The following SNX33 variants were observed in gnomAD, a reference collection of about 807,000 sequenced individuals.
The protein encoded by SNX33 is sorting nexin 33, also known as sorting nexin-33.
SNX33 carries 19 observed loss-of-function variants against 38.8 expected under a neutral mutation model. That is an observed-to-expected ratio of 0.49 (90% CI 0.34 to 0.72). SNX33 has a LOEUF of 0.72. Ranked by LOEUF, SNX33 falls within the 30% of genes least tolerant of loss-of-function variation. The probability of loss-of-function intolerance (pLI) is 0.01; values close to 1 mark genes in which losing one functional copy is unlikely to be tolerated. For missense variants in SNX33, 641 were observed against 776.4 expected (o/e 0.83, Z 2.07); for synonymous variants, 246 against 289.7 (o/e 0.85, Z 1.53).
intron 1 of SNX33, among the ~76,000 whole-genome samples, chr15:75,655,532 T>C (rs1893643231): frequency 6.6e-6 from 1 of 152,222 alleles, no homozygotes; most frequent in Admixed American, 6.5e-5. Context: ...CCTGAAATGC[T>C]ACTATTAGCC....
At position 75,654,544 on chromosome 15, in the gene SNX33, C is replaced by T. The variant is rs541360941; in HGVS notation, c.1472-2418C>T. The stretch of plus-strand genomic sequence containing the variant: ...TTGCAGCTGGTGGGCTCCAACCCTC[C>T]TTTCTGCATTTTTGGGACCCAGCCT... On this transcript the variant is annotated intron_variant, in intron 1 of 1. Coordinates refer to ENST00000308527, the MANE Select transcript of SNX33 (RefSeq NM_153271.2). Among the ~76,000 whole-genome samples, 3 of 152,342 alleles carry T rather than the reference C, an allele frequency of 2.0e-5. No individual in the cohort carries two copies. The East Asian group carries it at 5.8e-4, about 29-fold the overall frequency.
At position 75,647,998 on chromosome 15, in the gene SNX33, C is replaced by A; in HGVS notation, c.-1105C>A. ...AGGCAGGCTGGGGGCGCAGCCCGCCCCCCACTGGCCGGGCCCCGCAGGGCG... is the reference window on the plus strand; with the variant it reads ...AGGCAGGCTGGGGGCGCAGCCCGCCACCCACTGGCCGGGCCCCGCAGGGCG... On this transcript the variant is annotated 5_prime_UTR_variant, in exon 1 of 2. Coordinates refer to ENST00000308527, the MANE Select transcript of SNX33 (RefSeq NM_153271.2). 1.0e-6 allele frequency: 1 copy of A among 985,406 alleles called. No individual in the cohort carries two copies. The highest frequency in any genetic ancestry group is 1.1e-4 in the East Asian group (1 of 8,784). The allele number at this position is 985,406 out of a possible 1,614,324, so 61.0% of individuals were successfully genotyped here.
Position 75,649,922 on chromosome 15 carries a change from T to TA in SNX33, c.821dup (p.Tyr274Ter). The TA allele has an allele frequency of 6.3e-7, 1 of 1,596,124 alleles. No homozygotes were observed. ...GCGCTACAAACACTTTGACTGGCTC[T>TA]ATAACCGCCTGCTACACAAGTTCAC... The part of the protein sequence containing the change: ...YRRYKHFDWL[Y>*]NRLLHKFTVI... Residue 274 changes from tyrosine (Y) to a stop codon, truncating the protein, a stop_gained and frameshift_variant, in exon 1 of 2, where the codon TAT becomes TAAT. Coordinates refer to ENST00000308527, the MANE Select transcript of SNX33 (RefSeq NM_153271.2). LOFTEE classifies it high-confidence loss of function. This position sits in a 1 kb window ranked among gnomAD's most constrained non-coding sequence, Gnocchi z 6.6.
In SNX33 at chr15:75,659,208, G is replaced by A. The variant is rs1893693100; in HGVS notation, c.*1993G>A. ...TTGCTCTTGGATCTGTTCATCCACAGATGAGAGGAGGGTACTGGTTGAGAC... is the reference window on the plus strand; with the variant it reads ...TTGCTCTTGGATCTGTTCATCCACAAATGAGAGGAGGGTACTGGTTGAGAC... On this transcript the variant is annotated 3_prime_UTR_variant, in exon 2 of 2. Transcript: ENST00000308527. 6.6e-6 allele frequency: 1 copy of A among 152,354 alleles called. No individual in the cohort carries two copies. Among genetic ancestry groups the A allele is most frequent in the South Asian group, 2.1e-4 (1 of 4,834 alleles). 9.4% of individuals were successfully genotyped at this position (152,354 alleles called of 1,614,324 possible).
At position 75,650,397 on chromosome 15, in the gene SNX33, C is replaced by G. The variant is rs776154782; in HGVS notation, c.1295C>G (p.Pro432Arg). The part of the protein sequence containing the change: ...QAISHSFQMD[P>R]PFCSEALNSA... Reference sequence around the variant, plus strand: ...ATCAGTCATTCCTTCCAGATGGACCCCCCCTTTTGCTCTGAGGCCCTCAAC... The same window carrying G: ...ATCAGTCATTCCTTCCAGATGGACCGCCCCTTTTGCTCTGAGGCCCTCAAC... The change falls in exon 1 of 2, where the codon CCC becomes CGC. Residue 432 changes from proline to arginine, a missense_variant. Pro to Arg is a moderately radical substitution (Grantham distance 103, BLOSUM62 -2). Coordinates refer to ENST00000308527, the MANE Select transcript of SNX33 (RefSeq NM_153271.2). This position sits in a 1 kb window ranked among gnomAD's most constrained non-coding sequence, Gnocchi z 6.1. 1 of 1,613,668 alleles carries G rather than the reference C, an allele frequency of 6.2e-7. No homozygotes were observed. The highest frequency in any genetic ancestry group is 8.5e-7 in the Non-Finnish European group (1 of 1,179,860).
rs535872684 is a variant in SNX33 at position 75,654,170 on chromosome 15, A to G, written c.1472-2792A>G. Among the ~76,000 whole-genome samples the G allele has an allele frequency of 3.9e-5, 6 of 152,146 alleles. No homozygotes were observed. In the South Asian group the frequency reaches 8.3e-4, roughly 21 times the overall value. On this transcript the variant is annotated intron_variant, in intron 1 of 1. Transcript: ENST00000308527. ...ATGTAGCATCTGGAGCTTCTATTGT[A>G]TCTCAGGTGCGCTCCTTTGAACTGT...
Position 75,649,146 on chromosome 15 carries a change from A to C in SNX33, c.44A>C (p.Asn15Thr), listed in dbSNP as rs755762188. Residue 15 changes from asparagine (N) to threonine (T), a missense_variant, in exon 1 of 2, where the codon AAC becomes ACC. By Grantham distance (65) the Asn-to-Thr change is moderately conservative. Coordinates refer to ENST00000308527, the MANE Select transcript of SNX33 (RefSeq NM_153271.2). The surrounding 1 kb of genome is among the most constrained non-coding windows in gnomAD (Gnocchi z 6.6). ...GCCCTCTATGACTTTCACAGTGAGA[A>C]CAAGGAGGAAATCAGCATCCAGCAG... ...GRALYDFHSE[N>T]KEEISIQQDE... 1 of 1,612,368 alleles carries C rather than the reference A, an allele frequency of 6.2e-7. No homozygotes were observed. Among genetic ancestry groups the C allele is most frequent in the East Asian group, 2.2e-5 (1 of 44,848 alleles).
At chr15:75,655,807 G>A (rs1431944452) in intron 1 of SNX33, among the ~76,000 whole-genome samples, 1 of 152,182 alleles carries the variant, frequency 6.6e-6, no homozygotes, top group Non-Finnish European at 1.5e-5. Flanking sequence ...GCTCAGGGGT[G>A]TGCTGTCCTC....
Position 75,648,282 on chromosome 15 carries a change from G to T in SNX33, c.-821G>T. On this transcript the variant is annotated 5_prime_UTR_variant, in exon 1 of 2. Coordinates refer to ENST00000308527, the MANE Select transcript of SNX33 (RefSeq NM_153271.2). The surrounding 1 kb of genome is among the most constrained non-coding windows in gnomAD (Gnocchi z 4.4). ...ACCACTCAGCGAGTGGCTAGAAGTC[G>T]CCCGACAGCCTCGTCGCGCCCCCTC... 1.0e-5 allele frequency: 10 copies of T among 985,340 alleles called. No homozygotes were observed. In the South Asian group the frequency reaches 1.4e-4, roughly 14 times the overall value. 61.0% of individuals were successfully genotyped at this position (985,340 alleles called of 1,614,324 possible).
rs532973127 is a variant in SNX33 at position 75,650,731 on chromosome 15, C to T, written c.1471+158C>T. Reference sequence around the variant, plus strand: ...GTGTTGGGCTGGGCACGGTGGCTTACGCTTGTAATCTCAGCACTTTGGGAG... The same window carrying T: ...GTGTTGGGCTGGGCACGGTGGCTTATGCTTGTAATCTCAGCACTTTGGGAG... On this transcript the variant is annotated intron_variant, in intron 1 of 1. Transcript: ENST00000308527. This position sits in a 1 kb window ranked among gnomAD's most constrained non-coding sequence, Gnocchi z 6.1. Among the ~76,000 whole-genome samples, 8 of 152,150 alleles carry T rather than the reference C, an allele frequency of 5.3e-5. No individual in the cohort carries two copies. Among genetic ancestry groups the T allele is most frequent in the African/African-American group, 7.2e-5 (3 of 41,430 alleles).
chr15:75,653,895 C>T (rs1477590493), intron 1 of SNX33, among the ~76,000 whole-genome samples: 1 of 152,030 alleles, frequency 6.6e-6, no homozygotes, highest in Non-Finnish European at 1.5e-5. Flanking sequence ...AGTTCGACAC[C>T]AGCCTGGCTA....
intron 1 of SNX33, among the ~76,000 whole-genome samples, chr15:75,652,918 T>C (rs1019073701): frequency 6.6e-6 from 1 of 152,108 alleles, no homozygotes; most frequent in Non-Finnish European, 1.5e-5. Context: ...AGAAGAACAG[T>C]TGGGTCCTGG....
Position 75,648,825 on chromosome 15 carries a change from A to G in SNX33, c.-278A>G, listed in dbSNP as rs1893531395. The G allele has an allele frequency of 2.9e-6, 1 of 339,748 alleles. No homozygotes were observed. Among genetic ancestry groups the G allele is most frequent in the Non-Finnish European group, 5.2e-6 (1 of 191,514 alleles). 21.0% of individuals were successfully genotyped at this position (339,748 alleles called of 1,614,324 possible). A position where few individuals can be genotyped will look rare whatever the true frequency, so the allele number is the denominator to read the frequency against. ...GAGAGATTCCCCTCTAACCCCCCAG[A>G]GGCTGCTAAGGGAGGAGGAGACTGT... On this transcript the variant is annotated 5_prime_UTR_variant, in exon 1 of 2. Transcript: ENST00000308527. The surrounding 1 kb of genome is among the most constrained non-coding windows in gnomAD (Gnocchi z 4.4).
At chr15:75,652,006 G>T (rs866934838) in intron 1 of SNX33, among the ~76,000 whole-genome samples, 31 of 132,850 alleles carry the variant, frequency 2.3e-4, no homozygotes, top group African/African-American at 7.1e-4. Context: ...CTTTCTTTCT[G>T]TTTTTTTTTT....
chr15:75,657,492 C>A lies in SNX33; in HGVS notation c.*277C>A. 2 of 543,358 alleles carry A rather than the reference C, an allele frequency of 3.7e-6. 1 individual carries two copies. The highest frequency in any genetic ancestry group is 6.6e-6 in the Non-Finnish European group (2 of 304,568). 33.7% of individuals were successfully genotyped at this position (543,358 alleles called of 1,614,324 possible). ...TGCCGGTCAGTCAGTGAAGGTCAGG[C>A]CAGGGTCTCAGCCTCCCCTAGAGCC... is the stretch of plus-strand genomic sequence containing the variant. On this transcript the variant is annotated 3_prime_UTR_variant, in exon 2 of 2. Transcript: ENST00000308527. The surrounding 1 kb of genome is among the most constrained non-coding windows in gnomAD (Gnocchi z 5.5).
chr15:75,650,859 A>AAAAC lies in SNX33; in HGVS notation c.1471+314_1471+317dup, dbSNP rs372590049. On this transcript the variant is annotated intron_variant, in intron 1 of 1. Transcript: ENST00000308527. This position sits in a 1 kb window ranked among gnomAD's most constrained non-coding sequence, Gnocchi z 6.1. ...GGTGACAGAGTGAGACCCTGTCTCT[A>AAAAC]AAACAAACAAACAAACAAACAAACA... Among the ~76,000 whole-genome samples, 1,911 of 152,158 alleles carry AAAAC rather than the reference A, an allele frequency of 0.013. 31 individuals are homozygous for AAAAC. Among genetic ancestry groups the AAAAC allele is most frequent in the African/African-American group, 0.031 (1,278 of 41,458 alleles).
At chr15:75,653,088 G>A (rs1417582220) in intron 1 of SNX33, among the ~76,000 whole-genome samples, 2 of 152,290 alleles carry the variant, frequency 1.3e-5, no homozygotes, top group African/African-American at 2.4e-5. Context: ...CAGTCTCTAG[G>A]TGAGTAAAAT....
intron 1 of SNX33, among the ~76,000 whole-genome samples, chr15:75,654,829 A>C (rs893706805): frequency 6.6e-6 from 1 of 152,130 alleles, no homozygotes; most frequent in African/African-American, 2.4e-5. Context: ...CTGTCTGTGG[A>C]TACCTAACCA....
In SNX33 at chr15:75,658,236, T is replaced by C. The variant is rs1893679459; in HGVS notation, c.*1021T>C. 1 of 152,558 alleles carries C rather than the reference T, an allele frequency of 6.6e-6. No homozygotes were observed. Among genetic ancestry groups the C allele is most frequent in the Non-Finnish European group, 1.5e-5 (1 of 68,016 alleles). 9.5% of individuals were successfully genotyped at this position (152,558 alleles called of 1,614,324 possible). ...GTTCACCAGCAATAACTCCCCACAC[T>C]CGAAGCAGGTCCAAACCCAGGATCT... On this transcript the variant is annotated 3_prime_UTR_variant, in exon 2 of 2. Transcript: ENST00000308527. This position sits in a 1 kb window ranked among gnomAD's most constrained non-coding sequence, Gnocchi z 4.1.
Sources: gnomAD v4.1 joint callset for allele counts (sites outside exome capture counted in the v4.1 genomes callset) on GRCh38, gnomAD v4.1.1 for gene constraint, Gnocchi (gnomAD v3.1) non-coding constraint, MANE v1.5 for transcripts, NCBI Gene and HGNC (gene_info 2026-07-23, HGNC 2026-07-21) for gene names.